The following XYLB variants were observed in gnomAD, a reference collection of about 807,000 sequenced individuals.
XYLB encodes xylulose kinase.
In XYLB, 62 loss-of-function variants were observed where a neutral mutation model predicts 78.7. The ratio of observed to expected loss-of-function variants is 0.79; its 90% CI spans 0.64 to 0.97. XYLB has a LOEUF of 0.97. Ranked by LOEUF, XYLB falls within the 50% of genes least tolerant of loss-of-function variation. The pLI is 0.00. For missense variants in XYLB, 687 were observed against 676.8 expected (o/e 1.02, Z -0.17); for synonymous variants, 245 against 247.4 (o/e 0.99, Z 0.09).
intron 10 of XYLB, among the ~76,000 whole-genome samples, chr3:38,373,732 G>A (rs1706696753): frequency 6.6e-6 from 1 of 152,248 alleles, no homozygotes; most frequent in Non-Finnish European, 1.5e-5. Flanking sequence ...CAGTGTTTGA[G>A]TGCACCTGTT....
At chr3:38,448,762 A>T in the XYLB span, among the ~76,000 whole-genome samples, 1 of 152,196 alleles carries the variant, frequency 6.6e-6, no homozygotes, top group Non-Finnish European at 1.5e-5. Flanking sequence ...AGCCTTTATT[A>T]TCTAGGGCTG....
chr3:38,400,816 A>G, intron 17 of XYLB, 75 bp from the exon 18 acceptor site: 2 of 1,258,442 alleles, frequency 1.6e-6, no homozygotes, highest in Admixed American at 3.7e-5. Context: ...CACCCCAGTG[A>G]GATCCTTCGT....
chr3:38,441,604 G>A, the XYLB span, among the ~76,000 whole-genome samples: 1 of 152,200 alleles, frequency 6.6e-6, no homozygotes, highest in Non-Finnish European at 1.5e-5. Context: ...AGTCCCTCAA[G>A]GAGTAGCTCC....
intron 15 of XYLB, among the ~76,000 whole-genome samples, chr3:38,382,172 C>G (rs1707179761): frequency 6.6e-6 from 1 of 152,056 alleles, no homozygotes; most frequent in South Asian, 2.1e-4. Context: ...ATGGTGAAAC[C>G]CCTTCTCTAC....
At position 38,374,338 on chromosome 3, in the gene XYLB, T is replaced by C. The variant is rs1277928548; in HGVS notation, c.848-124T>C. The stretch of plus-strand genomic sequence containing the variant: ...AGCGCTCAGCTCCCCTGCTCCTGCC[T>C]CCACCCTAGGGTGTGGGTGGGGGTT... On this transcript the variant is annotated intron_variant, in intron 10 of 18. Transcript: ENST00000207870. 28 of 1,382,550 alleles carry C rather than the reference T, an allele frequency of 2.0e-5. No individual in the cohort carries two copies. The East Asian group carries it at 5.5e-4, about 27-fold the overall frequency. 85.6% of individuals were successfully genotyped at this position (1,382,550 alleles called of 1,614,324 possible). A position where few individuals can be genotyped will look rare whatever the true frequency, so the allele number is the denominator to read the frequency against.
At chr3:38,366,310 G>T (rs1706259304) in intron 6 of XYLB, among the ~76,000 whole-genome samples, 1 of 151,886 alleles carries the variant, frequency 6.6e-6, no homozygotes, top group Non-Finnish European at 1.5e-5. Flanking sequence ...CCCTCACCTG[G>T]TGGCTTGGTC....
chr3:38,420,570 T>C (rs982707119), exon 18 of XYLB, among the ~76,000 whole-genome samples: 7 of 152,268 alleles, frequency 4.6e-5, no homozygotes, highest in African/African-American at 1.4e-4. Context: ...CCTTAAATAT[T>C]TGATTGAATT....
At chr3:38,395,910 G>A (rs887873579) in intron 16 of XYLB, among the ~76,000 whole-genome samples, 1 of 152,140 alleles carries the variant, frequency 6.6e-6, no homozygotes, top group African/African-American at 2.4e-5. Context: ...TGTAACCATC[G>A]CTGATTCTCC....
At chr3:38,362,874 G>C in intron 3 of XYLB, 63 bp from the exon 4 acceptor site, 3 of 1,373,624 alleles carry the variant, frequency 2.2e-6, no homozygotes, top group Non-Finnish European at 9.6e-7. Context: ...TTTCAATTCT[G>C]AGGCTTGCGT....
At chr3:38,434,885 C>T in the XYLB span, among the ~76,000 whole-genome samples, 1 of 152,204 alleles carries the variant, frequency 6.6e-6, no homozygotes, top group African/African-American at 2.4e-5. Flanking sequence ...ATAATCCCAA[C>T]ACTTTGGGAG....
At chr3:38,441,946 C>T in the XYLB span, among the ~76,000 whole-genome samples, 6 of 152,132 alleles carry the variant, frequency 3.9e-5, no homozygotes, top group African/African-American at 1.4e-4. Context: ...TGTACTAGGG[C>T]CTGCTTTAAG....
the XYLB span, among the ~76,000 whole-genome samples, chr3:38,443,091 G>C: frequency 6.6e-6 from 1 of 152,236 alleles, no homozygotes; most frequent in Non-Finnish European, 1.5e-5. Flanking sequence ...AATTGAGGAG[G>C]TGGGAGAAAT....
chr3:38,445,467 C>A, the XYLB span, among the ~76,000 whole-genome samples: 12 of 152,252 alleles, frequency 7.9e-5, no homozygotes, highest in South Asian at 2.5e-3. Context: ...CGGGACTAGT[C>A]TCGGAGAAGA....
At chr3:38,368,294 GT>G (rs1466054956) in intron 8 of XYLB, 37 bp downstream of exon 8, 5 of 1,596,246 alleles carry the variant, frequency 3.1e-6, no homozygotes, top group Non-Finnish European at 4.3e-6. Context: ...CCTGGGCAGT[GT>G]GCATGTGGCA....
chr3:38,398,040 G>A (rs541643802), intron 17 of XYLB, among the ~76,000 whole-genome samples: 7 of 151,318 alleles, frequency 4.6e-5, no homozygotes, highest in East Asian at 4.1e-4. Flanking sequence ...GGATGGTCTC[G>A]ATCTCCTGAC....
intron 17 of XYLB, among the ~76,000 whole-genome samples, chr3:38,400,570 T>C (rs1321941533): frequency 1.3e-5 from 2 of 152,140 alleles, no homozygotes; most frequent in African/African-American, 4.8e-5. Flanking sequence ...TTCCCCATCA[T>C]ATGTCGAGGT....
Position 38,414,010 on chromosome 3 carries a change from C to T in XYLB, c.*997C>T, listed in dbSNP as rs1473700872. 1 of 152,088 alleles carries T rather than the reference C, an allele frequency of 6.6e-6. No individual in the cohort carries two copies. The highest frequency in any genetic ancestry group is 1.5e-5 in the Non-Finnish European group (1 of 68,040). 9.4% of individuals were successfully genotyped at this position (152,088 alleles called of 1,614,324 possible). A position where few individuals can be genotyped will look rare whatever the true frequency, so the allele number is the denominator to read the frequency against. Reference sequence around the variant, plus strand: ...CCTTTTTCCTTCCTCTTTATCCCTCCTGTTTTACTTTATACCTCTCTATTC... The same window carrying T: ...CCTTTTTCCTTCCTCTTTATCCCTCTTGTTTTACTTTATACCTCTCTATTC... On this transcript the variant is annotated 3_prime_UTR_variant, in exon 19 of 19. Coordinates refer to ENST00000207870, the MANE Select transcript of XYLB (RefSeq NM_005108.4).
At chr3:38,442,990 G>A in the XYLB span, among the ~76,000 whole-genome samples, 1 of 152,120 alleles carries the variant, frequency 6.6e-6, no homozygotes, top group African/African-American at 2.4e-5. Flanking sequence ...AATAGCTCCA[G>A]CTTTGGCTAA....
chr3:38,385,333 G>T (rs904846618), intron 15 of XYLB, among the ~76,000 whole-genome samples: 2 of 151,962 alleles, frequency 1.3e-5, no homozygotes, highest in Non-Finnish European at 2.9e-5. Context: ...GTTCATTCTT[G>T]TTTGTGTATT....
Sources: gnomAD v4.1 joint callset for allele counts (sites outside exome capture counted in the v4.1 genomes callset) on GRCh38, gnomAD v4.1.1 for gene constraint, MANE v1.5 for transcripts, NCBI Gene and HGNC (gene_info 2026-07-23, HGNC 2026-07-21) for gene names.